The following PLCB1 variants were observed in gnomAD, a reference collection of about 807,000 sequenced individuals.
PLCB1 encodes the protein phospholipase C beta 1.
A neutral mutation model predicts 161.8 loss-of-function variants in PLCB1; 46 were observed. That is an observed-to-expected ratio of 0.28 (90% CI 0.22 to 0.36). The LOEUF is 0.36. Ranked by LOEUF, PLCB1 falls within the 10% of genes least tolerant of loss-of-function variation. PLCB1 has a pLI of 1.00. For synonymous variants in PLCB1, 517 were observed against 503.7 expected, an observed-to-expected ratio of 1.03 and a Z score of -0.35; for missense variants, 1,016 against 1,472.5, an observed-to-expected ratio of 0.69 and a Z score of 5.07.
chr20:8,214,958 A>G (rs73897319), intron 2 of PLCB1, among the ~76,000 whole-genome samples: 1 of 152,094 alleles, frequency 6.6e-6, no homozygotes, highest in Non-Finnish European at 1.5e-5. Flanking sequence ...AAAATGGTGC[A>G]GTTATTGCTG....
intron 31 of PLCB1, chr20:8,792,477 A>G: frequency 2.2e-6 from 1 of 465,066 alleles, no homozygotes; most frequent in South Asian, 1.6e-5. Context: ...CGTTACAGCC[A>G]TGTTTATAAC....
chr20:8,592,082 G>T (rs551618393), intron 3 of PLCB1, among the ~76,000 whole-genome samples: 1 of 152,160 alleles, frequency 6.6e-6, no homozygotes, highest in South Asian at 2.1e-4. Flanking sequence ...AAATAGTTTT[G>T]TGCATGAAAT....
intron 3 of PLCB1, among the ~76,000 whole-genome samples, chr20:8,592,715 T>A (rs1250549950): frequency 6.6e-6 from 1 of 152,188 alleles, no homozygotes; most frequent in Non-Finnish European, 1.5e-5. Flanking sequence ...ACTCAAAAAG[T>A]TTCAGATTTT....
chr20:8,590,249 C>T (rs1987108348), intron 3 of PLCB1, among the ~76,000 whole-genome samples: 1 of 152,130 alleles, frequency 6.6e-6, no homozygotes, highest in Non-Finnish European at 1.5e-5. Flanking sequence ...ATTCCCAGCA[C>T]AATGTACCTA....
chr20:8,333,023 A>G (rs1158584044), intron 2 of PLCB1, among the ~76,000 whole-genome samples: 1 of 152,214 alleles, frequency 6.6e-6, no homozygotes, highest in African/African-American at 2.4e-5. Context: ...AAGTCTTCTC[A>G]ACGAGGGACT....
intron 3 of PLCB1, among the ~76,000 whole-genome samples, chr20:8,412,188 G>C (rs2745762): frequency 6.6e-6 from 1 of 152,148 alleles, no homozygotes; most frequent in Non-Finnish European, 1.5e-5. Context: ...AACCCATCAA[G>C]CACAATAGTT....
chr20:8,250,904 A>G (rs1009065816), intron 2 of PLCB1, among the ~76,000 whole-genome samples: 3 of 152,022 alleles, frequency 2.0e-5, no homozygotes, highest in African/African-American at 7.2e-5. Context: ...GGAGTGATAC[A>G]AACAAAACAA....
chr20:8,552,687 TAC>T (rs200869650), intron 3 of PLCB1, among the ~76,000 whole-genome samples: 2,985 of 152,204 alleles, frequency 0.02, 48 homozygotes, highest in Non-Finnish European at 0.028. Flanking sequence ...CACACATACA[TAC>T]ACACACAGAT....
intron 2 of PLCB1, among the ~76,000 whole-genome samples, chr20:8,288,838 C>T (rs1259270946): frequency 1.3e-5 from 2 of 152,154 alleles, no homozygotes; most frequent in African/African-American, 4.8e-5. Flanking sequence ...TATGTATAGT[C>T]ATAGCATTTA....
At chr20:8,684,186 A>G (rs1023237868) in intron 9 of PLCB1, among the ~76,000 whole-genome samples, 4 of 151,006 alleles carry the variant, frequency 2.6e-5, no homozygotes, top group East Asian at 2.0e-4. Context: ...GCCCAGCCCC[A>G]AAAACACTTT....
At chr20:8,172,205 A>C (rs2051739404) in intron 2 of PLCB1, among the ~76,000 whole-genome samples, 1 of 152,214 alleles carries the variant, frequency 6.6e-6, no homozygotes, top group African/African-American at 2.4e-5. Context: ...ATGCATAGTA[A>C]GCAAGATATT....
At chr20:8,681,086 G>GTGTGTGTATATA (rs1394518085) in intron 9 of PLCB1, among the ~76,000 whole-genome samples, 2 of 73,852 alleles carry the variant, frequency 2.7e-5, no homozygotes, top group African/African-American at 5.5e-5. Context: ...ATGTGTGTGT[G>GTGTGTGTATATA]TATATATATA....
chr20:8,540,678 C>T (rs1985276003), intron 3 of PLCB1, among the ~76,000 whole-genome samples: 1 of 149,716 alleles, frequency 6.7e-6, no homozygotes, highest in Non-Finnish European at 1.5e-5. Flanking sequence ...CACCTCTCAT[C>T]ACAGACCCCC....
chr20:8,219,020 G>A (rs540769404), intron 2 of PLCB1, among the ~76,000 whole-genome samples: 1 of 152,070 alleles, frequency 6.6e-6, no homozygotes, highest in East Asian at 1.9e-4. Flanking sequence ...CCTTTGTTTT[G>A]TTAAGAACAT....
chr20:8,711,303 C>G (rs1979002967), intron 12 of PLCB1, among the ~76,000 whole-genome samples: 1 of 152,214 alleles, frequency 6.6e-6, no homozygotes, highest in East Asian at 1.9e-4. Context: ...AAATGTTTGC[C>G]TCTGTGGCTT....
intron 3 of PLCB1, among the ~76,000 whole-genome samples, chr20:8,586,075 T>C (rs1986979315): frequency 6.6e-6 from 1 of 152,226 alleles, no homozygotes; most frequent in South Asian, 2.1e-4. Flanking sequence ...TAAGCAAGCC[T>C]CCTTGATTAA....
chr20:8,136,097 G>A (rs1482736042), intron 1 of PLCB1, among the ~76,000 whole-genome samples: 1 of 152,160 alleles, frequency 6.6e-6, no homozygotes, highest in Non-Finnish European at 1.5e-5. Flanking sequence ...ACCTCTGAGG[G>A]ATGGAAGGGT....
chr20:8,338,733 C>T lies in PLCB1; in HGVS notation c.178-32649C>T, dbSNP rs146368993. Among the ~76,000 whole-genome samples, 409 of 152,246 alleles carry T rather than the reference C, an allele frequency of 2.7e-3. 1 individual carries two copies. Among genetic ancestry groups the T allele is most frequent in the African/African-American group, 8.8e-3 (367 of 41,542 alleles). On this transcript the variant is annotated intron_variant, in intron 2 of 31. Transcript: ENST00000338037. ...AATGTATACACCTGTGTAAACACAG[C>T]GTAGATTAAGATAGAACATTTCATG...
intron 3 of PLCB1, among the ~76,000 whole-genome samples, chr20:8,539,693 T>C (rs111100975): frequency 0.13 from 13,247 of 98,926 alleles, 1,626 homozygotes; most frequent in Non-Finnish European, 0.16. Flanking sequence ...TCTTTTTCTT[T>C]TTCCTTCCTT....
Sources: allele counts gnomAD v4.1 joint callset (sites outside exome capture counted in the v4.1 genomes callset), GRCh38; gene constraint gnomAD v4.1.1; transcripts MANE v1.5; gene names NCBI Gene and HGNC (gene_info 2026-07-23, HGNC 2026-07-21).